Variants in RBM5 observed in about 807,000 individuals in gnomAD.
RBM5 encodes RNA-binding protein 5.
Under a neutral mutation model 124.6 loss-of-function variants are expected in RBM5, and 15 were observed. The ratio of observed to expected loss-of-function variants is 0.12; its 90% CI spans 0.08 to 0.19. RBM5 has a LOEUF of 0.19. Among genes scored for constraint, RBM5 ranks in the 10% least tolerant of loss-of-function variants. RBM5 has a pLI of 1.00. For missense variants in RBM5, 580 were observed against 1,026.5 expected, an observed-to-expected ratio of 0.57 and a Z score of 5.94; for synonymous variants, 337 against 361.2, an observed-to-expected ratio of 0.93 and a Z score of 0.76.
chr3:50,107,105 G>A (rs1445239011), intron 11 of RBM5: 11 of 678,806 alleles, frequency 1.6e-5, no homozygotes, highest in Non-Finnish European at 2.7e-5. Flanking sequence ...TGGCAGATGG[G>A]TTGAGAACAC....
At chr3:50,091,132 T>C (rs1419498201) in intron 2 of RBM5, among the ~76,000 whole-genome samples, 1 of 152,224 alleles carries the variant, frequency 6.6e-6, no homozygotes, top group Non-Finnish European at 1.5e-5. Flanking sequence ...TAGATCACAT[T>C]GACAGGCTGA....
chr3:50,103,900 G>C (rs2090987197), intron 7 of RBM5, among the ~76,000 whole-genome samples: 1 of 152,212 alleles, frequency 6.6e-6, no homozygotes, highest in South Asian at 2.1e-4. Context: ...CTAGACAGTG[G>C]TTAGTTTACC....
chr3:50,108,384 C>A, intron 14 of RBM5, 80 bp downstream of exon 14: 2 of 1,296,206 alleles, frequency 1.5e-6, no homozygotes, highest in Non-Finnish European at 2.2e-6. Context: ...CTAACTGGAC[C>A]AAAAGCTACA....
Position 50,108,263 on chromosome 3 carries a change from A to C in RBM5, c.1151A>C (p.Gln384Pro). The C allele has an allele frequency of 6.2e-7, 1 of 1,613,686 alleles. No homozygotes were observed. The highest frequency in any genetic ancestry group is 8.5e-7 in the Non-Finnish European group (1 of 1,179,528). ...YSQDYQQFYQ[Q>P]QAGGLESDAS... ...CAGGATTATCAGCAGTTTTATCAAC[A>C]ACAAGCTGGAGGATTGGAATCTGAT... is the stretch of plus-strand genomic sequence containing the variant. The change falls in exon 14 of 25, where the codon CAA becomes CCA. Residue 384 changes from glutamine (Q) to proline (P), a missense_variant. By Grantham distance (76) the Gln-to-Pro change is moderately conservative. Coordinates refer to ENST00000347869, the MANE Select transcript of RBM5 (RefSeq NM_005778.4).
intron 8 of RBM5, chr3:50,104,529 G>A (rs937655985): frequency 7.9e-6 from 4 of 506,782 alleles, no homozygotes; most frequent in Non-Finnish European, 1.4e-5. Context: ...TGTAGTCCTA[G>A]CTACTCAGGA....
chr3:50,092,978 G>A, intron 3 of RBM5: 1 of 116,004 alleles, frequency 8.6e-6, no homozygotes, highest in Non-Finnish European at 1.6e-5. Context: ...TTTTGAGACA[G>A]CTTTTTAGTC....
chr3:50,109,175 G>T (rs371832722), intron 14 of RBM5, among the ~76,000 whole-genome samples: 1 of 152,014 alleles, frequency 6.6e-6, no homozygotes, highest in Non-Finnish European at 1.5e-5. Context: ...CCAGGTTCAC[G>T]CCATTCTCCT....
At chr3:50,101,218 G>C (rs2090933259) in intron 6 of RBM5, 1 of 152,182 alleles carries the variant, frequency 6.6e-6, no homozygotes, top group South Asian at 2.1e-4. Context: ...GCAAGTCATT[G>C]ATGGTTCTTC....
intron 22 of RBM5, chr3:50,116,231 C>A (rs552715295): frequency 2.1e-6 from 1 of 474,598 alleles, no homozygotes; most frequent in Non-Finnish European, 3.8e-6. Context: ...AATGCCAGAG[C>A]TTGCTGCTTA....
chr3:50,105,453 C>T (rs1299511223), intron 9 of RBM5, 96 bp from the exon 10 acceptor site: 1 of 1,303,678 alleles, frequency 7.7e-7, no homozygotes, highest in Non-Finnish European at 1.1e-6. Context: ...AGGAATGTCA[C>T]AAATGGATTT....
intron 11 of RBM5, 144 bp from the exon 12 acceptor site, chr3:50,107,338 C>T (rs1001315244): frequency 1.5e-6 from 1 of 671,006 alleles, no homozygotes; most frequent in Non-Finnish European, 2.7e-6. Context: ...GGAATTTCCC[C>T]ATGAAGAGCC....
intron 12 of RBM5, 34 bp from the exon 13 acceptor site, chr3:50,108,036 A>G (rs765333478): frequency 7.1e-6 from 11 of 1,546,348 alleles, no homozygotes; most frequent in Admixed American, 3.3e-5. Flanking sequence ...AATGCCTACT[A>G]AGTTTGTCTT....
chr3:50,099,874 T>TTA, intron 4 of RBM5, 108 bp from the exon 5 acceptor site: 1 of 797,168 alleles, frequency 1.3e-6, no homozygotes, highest in Non-Finnish European at 1.8e-6. Context: ...ACTCCCATCT[T>TTA]AAAAAAAAAA....
chr3:50,099,877 A>G (rs1264825459), intron 4 of RBM5, 105 bp from the exon 5 acceptor site: 2 of 1,052,482 alleles, frequency 1.9e-6, no homozygotes, highest in Non-Finnish European at 2.7e-6. Context: ...CCCATCTTAA[A>G]AAAAAAAAAA....
chr3:50,106,931 A>T, intron 11 of RBM5, 67 bp downstream of exon 11: 1 of 1,314,832 alleles, frequency 7.6e-7, no homozygotes, highest in Non-Finnish European at 1.1e-6. Flanking sequence ...TGCTAACTGA[A>T]CGCCAAGCCT....
chr3:50,108,417 T>A, intron 14 of RBM5, 113 bp downstream of exon 14: 1 of 1,112,914 alleles, frequency 9.0e-7, no homozygotes, highest in Non-Finnish European at 1.3e-6. Flanking sequence ...TGTAAGATTG[T>A]AGGGGGCATG....
intron 14 of RBM5, 83 bp from the exon 15 acceptor site, chr3:50,109,520 G>C (rs757939989): frequency 1.0e-5 from 11 of 1,069,870 alleles, no homozygotes; most frequent in Non-Finnish European, 1.6e-5. Context: ...GACAGAAGAA[G>C]GCTAGATTGG....
At chr3:50,116,190 C>T (rs2091249258) in intron 22 of RBM5, 1 of 548,912 alleles carries the variant, frequency 1.8e-6, no homozygotes, top group Non-Finnish European at 3.3e-6. Context: ...GTGCACAAGG[C>T]AGAAGCACAC....
rs1169061238 is a variant in RBM5 at position 50,108,287 on chromosome 3, A to G, written c.1175A>G (p.Asp392Gly). 6.2e-7 allele frequency: 1 copy of G among 1,611,676 alleles called. No individual in the cohort carries two copies. The highest frequency in any genetic ancestry group is 1.3e-5 in the African/African-American group (1 of 74,892). The change falls in exon 14 of 25, where the codon GAT becomes GGT. Residue 392 changes from aspartate to glycine, a missense_variant. Physicochemically the swap from Asp to Gly is moderately conservative, Grantham distance 94. This residue lies in a region of RBM5 where 104 missense variants were observed against 128.7 expected (regional missense o/e 0.81). Transcript: ENST00000347869. Reference sequence around the variant, plus strand: ...CAACAAGCTGGAGGATTGGAATCTGATGCATCATCTGCATCAGGTAGTAAA... The same window carrying G: ...CAACAAGCTGGAGGATTGGAATCTGGTGCATCATCTGCATCAGGTAGTAAA... ...YQQQAGGLES[D>G]ASSASGTAVT...
Sources: allele counts gnomAD v4.1 joint callset (sites outside exome capture counted in the v4.1 genomes callset), GRCh38; gene constraint gnomAD v4.1.1; regional missense constraint gnomAD v4.1.1; transcripts MANE v1.5; gene names NCBI Gene and HGNC (gene_info 2026-07-23, HGNC 2026-07-21).